Variants in CDH13 observed in about 807,000 individuals in gnomAD.
The protein encoded by CDH13 is cadherin 13.
Under a neutral mutation model 63.8 loss-of-function variants are expected in CDH13, and 24 were observed. The observed-to-expected ratio is 0.38, with a 90% CI of 0.27 to 0.53. The LOEUF (loss-of-function observed/expected upper bound fraction) is 0.53. Among genes scored for constraint, CDH13 ranks in the 20% least tolerant of loss-of-function variants. CDH13 has a pLI of 0.85. For synonymous variants in CDH13, 503 were observed against 355.3 expected (o/e 1.42, Z -4.67); for missense variants, 1,049 against 903.1 (o/e 1.16, Z -2.07).
At chr16:83,019,526 C>T (rs556721703) in intron 2 of CDH13, among the ~76,000 whole-genome samples, 80 of 144,412 alleles carry the variant, frequency 5.5e-4, no homozygotes, top group African/African-American at 1.9e-3. Flanking sequence ...GACAGGGTCT[C>T]GCTCTGTCAC....
chr16:82,849,710 C>A (rs1008446159), intron 1 of CDH13, among the ~76,000 whole-genome samples: 13 of 152,188 alleles, frequency 8.5e-5, no homozygotes, highest in Admixed American at 3.3e-4. Context: ...AAAGGACAAG[C>A]AAACTCTTTT....
At chr16:82,670,420 AT>A (rs1913102412) in intron 1 of CDH13, among the ~76,000 whole-genome samples, 1 of 152,220 alleles carries the variant, frequency 6.6e-6, no homozygotes, top group Non-Finnish European at 1.5e-5. Flanking sequence ...TGAGAAAAAA[AT>A]ATCACTTGAA....
At chr16:83,549,715 C>T (rs1470815202) in intron 7 of CDH13, among the ~76,000 whole-genome samples, 1 of 151,374 alleles carries the variant, frequency 6.6e-6, no homozygotes, top group Non-Finnish European at 1.5e-5. Context: ...GAAAACGCTA[C>T]CGCATTGAAT....
At chr16:83,276,526 C>T (rs937303694) in intron 5 of CDH13, among the ~76,000 whole-genome samples, 2 of 152,152 alleles carry the variant, frequency 1.3e-5, no homozygotes, top group African/African-American at 2.4e-5. Flanking sequence ...AATAGTCTTA[C>T]AGTTTCCCAT....
chr16:82,685,212 A>G (rs1230275719), intron 1 of CDH13, among the ~76,000 whole-genome samples: 2 of 152,226 alleles, frequency 1.3e-5, no homozygotes, highest in African/African-American at 2.4e-5. Context: ...CTTAAAAACA[A>G]TGAATGCTCA....
chr16:82,858,489 C>G lies in CDH13; in HGVS notation c.157+16C>G. ...ATTCTAAACTGTAAGCAATGTCACT[C>G]AAAGATGCTTTTAGACTCTTCTCAT... On this transcript the variant is annotated intron_variant, in intron 2 of 13. Transcript: ENST00000567109. 2.1e-6 allele frequency: 3 copies of G among 1,443,930 alleles called. No homozygotes were observed. The highest frequency in any genetic ancestry group is 2.0e-6 in the Non-Finnish European group (2 of 1,025,236). 89.4% of individuals were successfully genotyped at this position (1,443,930 alleles called of 1,614,324 possible).
chr16:83,053,736 C>G (rs1450677941), intron 3 of CDH13, among the ~76,000 whole-genome samples: 1 of 152,054 alleles, frequency 6.6e-6, no homozygotes, highest in Non-Finnish European at 1.5e-5. Flanking sequence ...ATAAAGAACG[C>G]TATATCATAT....
intron 1 of CDH13, among the ~76,000 whole-genome samples, chr16:82,681,798 G>T (rs547598022): frequency 6.6e-6 from 1 of 152,214 alleles, no homozygotes; most frequent in Non-Finnish European, 1.5e-5. Flanking sequence ...AGCAGCACTC[G>T]GGTGAGGACT....
rs189577773 is a variant in CDH13 at position 82,684,983 on chromosome 16, G to A, written c.45+57846G>A. On this transcript the variant is annotated intron_variant, in intron 1 of 13. Transcript: ENST00000567109. The stretch of plus-strand genomic sequence containing the variant: ...TAATGTGTAGTATTCTTGGAGCTGG[G>A]AAATTTAGCCAAGGTGGGCACCACT... Among the ~76,000 whole-genome samples the A allele has an allele frequency of 8.4e-3, 1,090 of 130,366 alleles. 7 individuals carry two copies. Among genetic ancestry groups the A allele is most frequent in the African/African-American group, 0.025 (893 of 36,398 alleles). The allele number at this position is 130,366 out of a possible 152,430, so 85.5% of individuals were successfully genotyped here. A position where few individuals can be genotyped will look rare whatever the true frequency, so the allele number is the denominator to read the frequency against.
At chr16:83,379,502 T>A (rs1385196270) in intron 6 of CDH13, among the ~76,000 whole-genome samples, 6 of 152,304 alleles carry the variant, frequency 3.9e-5, no homozygotes, top group Admixed American at 2.0e-4. Flanking sequence ...TTTGGTGAGG[T>A]TGATCAACCA....
At position 82,858,368 on chromosome 16, in the gene CDH13, C is replaced by T. The variant is rs1324438096; in HGVS notation, c.52C>T (p.Leu18=). The T allele has an allele frequency of 2.5e-6, 4 of 1,609,622 alleles. No individual in the cohort carries two copies. The Admixed American group carries it at 5.0e-5, about 20-fold the overall frequency. ...ATGGCTTTGGTTTTCTCAGGTGCTGCTGCTAACATCTGCAGAAGATTTGGA... is the reference window on the plus strand; with the variant it reads ...ATGGCTTTGGTTTTCTCAGGTGCTGTTGCTAACATCTGCAGAAGATTTGGA... ...VLCVLLSQVL[L]LTSAEDLDCT... Residue 18 remains leucine, a synonymous_variant, in exon 2 of 14, where the codon CTG becomes TTG. Transcript: ENST00000567109.
At chr16:83,167,933 C>T (rs959222005) in intron 4 of CDH13, among the ~76,000 whole-genome samples, 10 of 151,978 alleles carry the variant, frequency 6.6e-5, no homozygotes, top group Non-Finnish European at 1.0e-4. Context: ...TTATCCTAAG[C>T]GAATTAATGC....
At chr16:83,789,337 C>CTTTTTTTTTTTTT (rs148503283) in intron 13 of CDH13, among the ~76,000 whole-genome samples, 7 of 132,282 alleles carry the variant, frequency 5.3e-5, no homozygotes, top group Non-Finnish European at 1.1e-4. Flanking sequence ...TAGTAGCTTT[C>CTTTTTTTTTTTTT]TTTTTTTTTG....
At chr16:82,836,193 G>C (rs1224580892) in intron 1 of CDH13, among the ~76,000 whole-genome samples, 1 of 152,114 alleles carries the variant, frequency 6.6e-6, no homozygotes, top group Non-Finnish European at 1.5e-5. Flanking sequence ...TTGGCGCCCA[G>C]GCTGGAGTGC....
intron 4 of CDH13, among the ~76,000 whole-genome samples, chr16:83,140,829 C>T (rs148549325): frequency 4.5e-4 from 68 of 152,330 alleles, no homozygotes; most frequent in African/African-American, 1.6e-3. Flanking sequence ...GTTTCTTACC[C>T]TTGTTTCTCC....
At chr16:83,149,082 C>T (rs2036867520) in intron 4 of CDH13, among the ~76,000 whole-genome samples, 1 of 152,082 alleles carries the variant, frequency 6.6e-6, no homozygotes, top group Non-Finnish European at 1.5e-5. Context: ...GAAATATGTC[C>T]TTATCTTGTT....
At chr16:83,734,195 T>A (rs994249194) in intron 10 of CDH13, among the ~76,000 whole-genome samples, 1 of 152,128 alleles carries the variant, frequency 6.6e-6, no homozygotes, top group East Asian at 1.9e-4. Context: ...AAAGTGTGAC[T>A]CAAAACTGAA....
intron 3 of CDH13, among the ~76,000 whole-genome samples, chr16:83,115,802 GT>G (rs946047792): frequency 1.5e-4 from 23 of 152,214 alleles, no homozygotes; most frequent in African/African-American, 4.8e-4. Flanking sequence ...GAGGTTTGTG[GT>G]TTGTTTATGA....
chr16:83,088,418 C>T (rs140127238), intron 3 of CDH13, among the ~76,000 whole-genome samples: 2 of 152,298 alleles, frequency 1.3e-5, no homozygotes, highest in African/African-American at 4.8e-5. Flanking sequence ...TTTCCTGTAA[C>T]GTTTTTGTGT....
Sources: allele counts gnomAD v4.1 joint callset (sites outside exome capture counted in the v4.1 genomes callset), GRCh38; gene constraint gnomAD v4.1.1; transcripts MANE v1.5; gene names NCBI Gene and HGNC (gene_info 2026-07-23, HGNC 2026-07-21).